Variants in CNTN5 observed in about 807,000 individuals in gnomAD.
CNTN5 encodes contactin 5.
CNTN5 carries 77 observed loss-of-function variants against 129.1 expected under a neutral mutation model. The ratio of observed to expected loss-of-function variants is 0.60; its 90% confidence interval spans 0.50 to 0.72. CNTN5 has a LOEUF of 0.72. CNTN5 is among the 30% of genes least tolerant of loss of function. The pLI is 0.00. For synonymous variants in CNTN5, 509 were observed against 465.6 expected (o/e 1.09, Z -1.20); for missense variants, 1,478 against 1,328.8 (o/e 1.11, Z -1.75).
intron 2 of CNTN5, among the ~76,000 whole-genome samples, chr11:99,496,454 T>A (rs1043589470): frequency 2.0e-5 from 3 of 152,160 alleles, no homozygotes; most frequent in Admixed American, 1.3e-4. Context: ...CATCTCATTT[T>A]TAATATAGTA....
At chr11:99,856,229 T>C (rs573023680) in intron 6 of CNTN5, among the ~76,000 whole-genome samples, 1 of 152,300 alleles carries the variant, frequency 6.6e-6, no homozygotes, top group Admixed American at 6.5e-5. Context: ...AGCTGGAATT[T>C]CTCCCGGTAA....
chr11:99,446,114 C>G (rs1206242459), intron 2 of CNTN5, among the ~76,000 whole-genome samples: 1 of 150,844 alleles, frequency 6.6e-6, no homozygotes, highest in Non-Finnish European at 1.5e-5. Context: ...ACCAAACTTC[C>G]TTGGATTTGT....
chr11:99,871,104 C>G (rs1304329080), intron 6 of CNTN5, among the ~76,000 whole-genome samples: 1 of 151,914 alleles, frequency 6.6e-6, no homozygotes, highest in East Asian at 1.9e-4. Context: ...TAAGAAACTA[C>G]AAAATTTCAC....
chr11:100,270,819 A>C (rs1173908243), intron 17 of CNTN5, among the ~76,000 whole-genome samples: 1 of 152,198 alleles, frequency 6.6e-6, no homozygotes, highest in East Asian at 1.9e-4. Context: ...GGATTGATGA[A>C]ATAATTATTA....
chr11:100,234,981 T>C (rs1012078227), intron 16 of CNTN5, among the ~76,000 whole-genome samples: 1 of 152,082 alleles, frequency 6.6e-6, no homozygotes. Context: ...TGCCTGACCA[T>C]TCCCATTGCT....
At chr11:99,463,108 A>AAAATAAATAAATAAATAAAT (rs376289717) in intron 2 of CNTN5, among the ~76,000 whole-genome samples, 3,579 of 121,074 alleles carry the variant, frequency 0.03, 73 homozygotes, top group East Asian at 0.051. Flanking sequence ...ACTCCATCTC[A>AAAATAAATAAATAAATAAAT]AAATAAATAA....
At chr11:99,762,090 T>G (rs1944601133) in intron 3 of CNTN5, among the ~76,000 whole-genome samples, 1 of 90,694 alleles carries the variant, frequency 1.1e-5, no homozygotes, top group Non-Finnish European at 2.5e-5. Flanking sequence ...TTCATGTCCT[T>G]CACCCACTTT....
At chr11:99,507,201 C>A (rs1193392350) in intron 2 of CNTN5, among the ~76,000 whole-genome samples, 2 of 151,666 alleles carry the variant, frequency 1.3e-5, no homozygotes, top group Non-Finnish European at 2.9e-5. Context: ...CATGGTGAAA[C>A]TCTCTTCTAC....
intron 16 of CNTN5, among the ~76,000 whole-genome samples, chr11:100,245,532 T>C (rs1320229412): frequency 6.6e-6 from 1 of 152,044 alleles, no homozygotes; most frequent in Non-Finnish European, 1.5e-5. Context: ...TAAGTCCTTA[T>C]ACCACACTGA....
chr11:99,641,991 C>T (rs1442442358), intron 3 of CNTN5, among the ~76,000 whole-genome samples: 2 of 152,144 alleles, frequency 1.3e-5, no homozygotes, highest in Admixed American at 1.3e-4. Flanking sequence ...GACCTCCTCC[C>T]TTTGGATATG....
chr11:100,090,372 TTTG>T (rs1944708734), intron 13 of CNTN5, among the ~76,000 whole-genome samples: 1 of 152,096 alleles, frequency 6.6e-6, no homozygotes, highest in Non-Finnish European at 1.5e-5. Flanking sequence ...ACCTGATCAA[TTTG>T]TTATTTTCTT....
intron 15 of CNTN5, among the ~76,000 whole-genome samples, chr11:100,218,476 G>A (rs542439940): frequency 6.6e-6 from 1 of 152,214 alleles, no homozygotes; most frequent in African/African-American, 2.4e-5. Flanking sequence ...AAATATCAAT[G>A]TGGATTGGAG....
chr11:99,833,799 C>G (rs986460681), intron 4 of CNTN5, among the ~76,000 whole-genome samples: 2 of 152,070 alleles, frequency 1.3e-5, no homozygotes, highest in African/African-American at 4.8e-5. Flanking sequence ...TTGCCAACAC[C>G]AGGCTAACTT....
At chr11:99,969,772 T>A (rs145588208) in intron 8 of CNTN5, among the ~76,000 whole-genome samples, 1 of 152,304 alleles carries the variant, frequency 6.6e-6, no homozygotes, top group Non-Finnish European at 1.5e-5. Context: ...AGTCATTCCA[T>A]GTACTTATCC....
chr11:100,007,800 A>C (rs1317802004), intron 9 of CNTN5, among the ~76,000 whole-genome samples: 1 of 149,816 alleles, frequency 6.7e-6, no homozygotes, highest in Non-Finnish European at 1.5e-5. Flanking sequence ...TTTTTTTTTC[A>C]TTCACAAGTC....
chr11:99,801,751 TTAAG>T (rs1424028953), intron 3 of CNTN5, among the ~76,000 whole-genome samples: 4 of 152,230 alleles, frequency 2.6e-5, no homozygotes, highest in Admixed American at 1.3e-4. Flanking sequence ...TTGAAATTCC[TTAAG>T]TAAGTTTCAA....
intron 1 of CNTN5, among the ~76,000 whole-genome samples, chr11:99,233,103 G>A (rs1188648224): frequency 1.3e-5 from 2 of 152,132 alleles, no homozygotes; most frequent in African/African-American, 4.8e-5. Flanking sequence ...GGGCCTTCAA[G>A]GCTTCTTTCC....
At chr11:99,318,799 T>C (rs980896888) in intron 1 of CNTN5, among the ~76,000 whole-genome samples, 10 of 152,156 alleles carry the variant, frequency 6.6e-5, no homozygotes, top group Admixed American at 4.6e-4. Context: ...GGAATTATGG[T>C]GATCCACCTG....
chr11:99,152,749 A>G (rs540916880), intron 1 of CNTN5, among the ~76,000 whole-genome samples: 50 of 152,318 alleles, frequency 3.3e-4, no homozygotes, highest in South Asian at 1.0e-3. Flanking sequence ...TCAATGGTCC[A>G]TGTACTTAAA....
Sources: allele counts gnomAD v4.1 joint callset (sites outside exome capture counted in the v4.1 genomes callset), GRCh38; gene constraint gnomAD v4.1.1; transcripts MANE v1.5; gene names NCBI Gene and HGNC (gene_info 2026-07-23, HGNC 2026-07-21).